The following PTTG1IP variants were observed in gnomAD, a reference collection of about 807,000 sequenced individuals.
The protein encoded by PTTG1IP is PTTG1 interacting protein.
A neutral mutation model predicts 24.4 loss-of-function variants in PTTG1IP; 16 were observed. That is an observed-to-expected ratio of 0.66 (90% CI 0.44 to 1.00). The LOEUF is 1.00. Ranked by LOEUF, PTTG1IP falls within the 50% of genes least tolerant of loss-of-function variation. The pLI is 0.00. For missense variants in PTTG1IP, 241 were observed against 245.8 expected, an observed-to-expected ratio of 0.98 and a Z score of 0.13; for synonymous variants, 89 against 96.8, an observed-to-expected ratio of 0.92 and a Z score of 0.47.
At chr21:44,861,566 T>G (rs1348160151) in intron 2 of PTTG1IP, among the ~76,000 whole-genome samples, 2 of 152,178 alleles carry the variant, frequency 1.3e-5, no homozygotes, top group Non-Finnish European at 2.9e-5. Flanking sequence ...GGCAGCCTCC[T>G]GAGTGCTGCC....
intron 1 of PTTG1IP, among the ~76,000 whole-genome samples, chr21:44,866,423 AACACACAC>A (rs34007977): frequency 5.1e-5 from 1 of 19,800 alleles, no homozygotes; most frequent in Non-Finnish European, 9.3e-5. Flanking sequence ...CCAATCCCAT[AACACACAC>A]ACACACACAC....
At position 44,861,193 on chromosome 21, in the gene PTTG1IP, A is replaced by G; in HGVS notation, c.247T>C (p.Leu83=). 1.9e-6 allele frequency: 3 copies of G among 1,614,122 alleles called. No homozygotes were observed. Among genetic ancestry groups the G allele is most frequent in the South Asian group, 1.1e-5 (1 of 91,090 alleles). ...SVLPPASLCK[L]SSARWGVCWV... ...CAAACTCCCCAGCGTGCAGAGCTCAATTTACAAAGGGAAGCCGGTGGCAAG... is the reference window on the plus strand; with the variant it reads ...CAAACTCCCCAGCGTGCAGAGCTCAGTTTACAAAGGGAAGCCGGTGGCAAG... Residue 83 remains leucine, a synonymous_variant, in exon 3 of 6, where the codon TTG becomes CTG. Coordinates refer to ENST00000330938, the MANE Select transcript of PTTG1IP (RefSeq NM_004339.4).
rs1465728492 is a variant in PTTG1IP, at chr21:44,857,532, T to TA, written c.278-1169dup. ...AGCCAGCCTCCTGAAGATGGCTTTA[T>TA]AAGCAAACTCCCCTGGGCAGTAGAT... On this transcript the variant is annotated intron_variant, in intron 3 of 5. Transcript: ENST00000330938. Among the ~76,000 whole-genome samples the TA allele has an allele frequency of 5.3e-5, 8 of 152,356 alleles. No individual in the cohort carries two copies. The South Asian group carries it at 1.0e-3, about 20-fold the overall frequency.
In PTTG1IP at chr21:44,873,655, A is replaced by G. The variant is rs1043388445; in HGVS notation, c.-39T>C. ...CTCTATCAGTCAGTGGAGCGTTACA[A>G]CTCCGACTCCAGCACAAGCGGTCTC... On this transcript the variant is annotated 5_prime_UTR_variant, in exon 1 of 6. Coordinates refer to ENST00000330938, the MANE Select transcript of PTTG1IP (RefSeq NM_004339.4). 1.5e-6 allele frequency: 2 copies of G among 1,335,252 alleles called. No homozygotes were observed. Among genetic ancestry groups the G allele is most frequent in the African/African-American group, 1.5e-5 (1 of 65,258 alleles). 82.7% of individuals were successfully genotyped at this position (1,335,252 alleles called of 1,614,324 possible).
chr21:44,855,605 A>G (rs1469654863), intron 4 of PTTG1IP, among the ~76,000 whole-genome samples: 1 of 152,260 alleles, frequency 6.6e-6, no homozygotes, highest in Non-Finnish European at 1.5e-5. Flanking sequence ...TGGTGAGGAA[A>G]ATGCGATTGT....
intron 4 of PTTG1IP, among the ~76,000 whole-genome samples, chr21:44,855,934 C>T (rs1335876013): frequency 3.3e-5 from 5 of 152,202 alleles, no homozygotes; most frequent in African/African-American, 9.6e-5. Context: ...CGTGTCACCG[C>T]GCACAGACTC....
chr21:44,868,096 G>A (rs948760193), intron 1 of PTTG1IP, among the ~76,000 whole-genome samples: 6 of 152,256 alleles, frequency 3.9e-5, no homozygotes, highest in African/African-American at 1.4e-4. Context: ...ACAACAGGCT[G>A]TATTCAGCCC....
intron 1 of PTTG1IP, among the ~76,000 whole-genome samples, chr21:44,868,460 G>A (rs574459133): frequency 3.9e-5 from 6 of 152,150 alleles, no homozygotes; most frequent in Non-Finnish European, 5.9e-5. Context: ...AGGGCTCCTC[G>A]GAGAAATGGC....
At chr21:44,870,094 G>A (rs1052381152) in intron 1 of PTTG1IP, among the ~76,000 whole-genome samples, 2 of 152,260 alleles carry the variant, frequency 1.3e-5, no homozygotes, top group South Asian at 2.1e-4. Context: ...GAGAAAAACC[G>A]CCCAACATTC....
chr21:44,853,897 C>T (rs569976482), intron 5 of PTTG1IP, among the ~76,000 whole-genome samples: 85 of 152,340 alleles, frequency 5.6e-4, no homozygotes, highest in African/African-American at 2.0e-3. Flanking sequence ...AGCCTCACGC[C>T]CCCAAGCCGA....
intron 5 of PTTG1IP, among the ~76,000 whole-genome samples, chr21:44,854,622 A>G (rs916435189): frequency 1.8e-4 from 27 of 152,262 alleles, no homozygotes; most frequent in African/African-American, 5.8e-4. Flanking sequence ...GAGTATAGAT[A>G]ACGTAATGTG....
intron 1 of PTTG1IP, among the ~76,000 whole-genome samples, chr21:44,869,649 A>T (rs1004751604): frequency 5.9e-5 from 9 of 152,216 alleles, no homozygotes; most frequent in Non-Finnish European, 8.8e-5. Context: ...TTATAAATTT[A>T]AAAAATAAGG....
At chr21:44,851,983 T>C (rs1043485596) in intron 5 of PTTG1IP, among the ~76,000 whole-genome samples, 4 of 152,220 alleles carry the variant, frequency 2.6e-5, no homozygotes, top group African/African-American at 7.2e-5. Flanking sequence ...TTTGTGCTTA[T>C]AGCTGCTCTT....
chr21:44,860,816 T>C (rs910711317), intron 3 of PTTG1IP, among the ~76,000 whole-genome samples: 3 of 151,406 alleles, frequency 2.0e-5, no homozygotes, highest in African/African-American at 7.3e-5. Flanking sequence ...ACTATTTTCT[T>C]TTTTTTTTGA....
At chr21:44,861,952 G>A (rs1393788523) in intron 2 of PTTG1IP, 2 of 676,314 alleles carry the variant, frequency 3.0e-6, no homozygotes, top group Non-Finnish European at 5.5e-6. Flanking sequence ...CAGCTTGAAA[G>A]ATGATGCAAC....
intron 1 of PTTG1IP, among the ~76,000 whole-genome samples, chr21:44,866,483 C>G (rs1446953350): frequency 7.9e-6 from 1 of 127,280 alleles, no homozygotes; most frequent in Non-Finnish European, 1.7e-5. Flanking sequence ...CACACACACA[C>G]ACACACACGC....
rs900180952 is a variant in PTTG1IP at position 44,851,125 on chromosome 21, G to A, written c.*456C>T. On this transcript the variant is annotated 3_prime_UTR_variant, in exon 6 of 6. Transcript: ENST00000330938. ...AGATGCGCACACAGACGCTGTCCGT[G>A]GTTTTATGGGGAATGATGAGGGCTG... The A allele has an allele frequency of 8.1e-6, 4 of 493,042 alleles. No individual in the cohort carries two copies. The highest frequency in any genetic ancestry group is 7.6e-5 in the African/African-American group (4 of 52,538). 30.5% of individuals were successfully genotyped at this position (493,042 alleles called of 1,614,324 possible).
At chr21:44,853,791 C>T (rs893702647) in intron 5 of PTTG1IP, among the ~76,000 whole-genome samples, 4 of 152,178 alleles carry the variant, frequency 2.6e-5, no homozygotes, top group South Asian at 4.1e-4. Context: ...AGAGAGTCAG[C>T]GCCCAAGCAC....
At chr21:44,870,031 C>A (rs1327365232) in intron 1 of PTTG1IP, among the ~76,000 whole-genome samples, 4 of 152,212 alleles carry the variant, frequency 2.6e-5, no homozygotes, top group Non-Finnish European at 5.9e-5. Flanking sequence ...AGACCCAGAC[C>A]TCTGGATTAC....
Sources: gnomAD v4.1 joint callset for allele counts (sites outside exome capture counted in the v4.1 genomes callset) on GRCh38, gnomAD v4.1.1 for gene constraint, MANE v1.5 for transcripts, NCBI Gene and HGNC (gene_info 2026-07-23, HGNC 2026-07-21) for gene names.